The following YEATS2 variants were observed in gnomAD, a reference collection of about 807,000 sequenced individuals.
YEATS2 encodes YEATS domain-containing protein 2.
A neutral mutation model predicts 163.2 loss-of-function variants in YEATS2; 77 were observed. The observed-to-expected ratio is 0.47, with a 90% CI of 0.39 to 0.57. The LOEUF is 0.57. Ranked by LOEUF, YEATS2 falls within the 20% of genes least tolerant of loss-of-function variation. The pLI, the probability that YEATS2 is intolerant of heterozygous loss-of-function variation, is 0.00. For missense variants in YEATS2, 1,549 were observed against 1,729.8 expected (o/e 0.90, Z 1.85); for synonymous variants, 631 against 645.1 (o/e 0.98, Z 0.33).
At chr3:183,756,793 CCGT>C in intron 12 of YEATS2, 104 bp downstream of exon 12, 1 of 1,056,166 alleles carries the variant, frequency 9.5e-7, no homozygotes, top group Non-Finnish European at 1.3e-6. Flanking sequence ...ATGAAATCTC[CCGT>C]AAACGAGAAG....
intron 21 of YEATS2, chr3:183,793,019 A>T (rs953056640): frequency 1.9e-5 from 14 of 724,380 alleles, no homozygotes; most frequent in South Asian, 5.6e-5. Context: ...GTTTTTCTAT[A>T]ATCTGGTATA....
At chr3:183,773,941 T>C (rs1477641073) in intron 17 of YEATS2, 147 bp downstream of exon 17, 1 of 921,778 alleles carries the variant, frequency 1.1e-6, no homozygotes, top group Non-Finnish European at 1.5e-6. Context: ...CTCAGATGGA[T>C]TTAACACATA....
chr3:183,793,352 T>C, intron 21 of YEATS2: 1 of 1,096,832 alleles, frequency 9.1e-7, no homozygotes, highest in African/African-American at 1.6e-5. Flanking sequence ...ATTTTTCTCT[T>C]GATTTCTACC....
chr3:183,742,515 C>T (rs1170160718), intron 8 of YEATS2, among the ~76,000 whole-genome samples: 2 of 152,192 alleles, frequency 1.3e-5, no homozygotes, highest in African/African-American at 4.8e-5. Context: ...GAAGTAGAGC[C>T]TGACAGTGTG....
intron 19 of YEATS2, among the ~76,000 whole-genome samples, chr3:183,784,102 G>A (rs750855143): frequency 1.3e-5 from 2 of 152,132 alleles, no homozygotes; most frequent in Non-Finnish European, 2.9e-5. Context: ...CAGGGTCAAG[G>A]TTGCCCAGGC....
intron 25 of YEATS2, chr3:183,803,016 T>A (rs1725838605): frequency 3.7e-6 from 2 of 537,472 alleles, no homozygotes; most frequent in South Asian, 2.3e-5. Flanking sequence ...TGGCAGTGAT[T>A]ACCTTCTCTA....
intron 1 of YEATS2, among the ~76,000 whole-genome samples, chr3:183,713,616 A>C (rs553318050): frequency 6.6e-6 from 1 of 152,358 alleles, no homozygotes; most frequent in Admixed American, 6.5e-5. Flanking sequence ...TAAATTCTGT[A>C]CGTGGCTCAT....
At chr3:183,748,995 T>A (rs898756874) in intron 9 of YEATS2, among the ~76,000 whole-genome samples, 1 of 151,976 alleles carries the variant, frequency 6.6e-6, no homozygotes, top group South Asian at 2.1e-4. Flanking sequence ...CAGTCTGGAG[T>A]GCGGTGGCGT....
At chr3:183,778,125 A>AG (rs1417189949) in intron 19 of YEATS2, among the ~76,000 whole-genome samples, 4 of 148,614 alleles carry the variant, frequency 2.7e-5, no homozygotes, top group Non-Finnish European at 4.4e-5. Flanking sequence ...AAAAAAAAAA[A>AG]AAAGAAAAAA....
chr3:183,761,423 C>A, intron 13 of YEATS2, 84 bp from the exon 14 acceptor site: 1 of 1,243,790 alleles, frequency 8.0e-7, no homozygotes, highest in Non-Finnish European at 1.2e-6. Flanking sequence ...GAGAATGTCA[C>A]AGGTTTGTAT....
chr3:183,766,307 A>C (rs1189178213), intron 15 of YEATS2, among the ~76,000 whole-genome samples: 1 of 152,226 alleles, frequency 6.6e-6, no homozygotes, highest in Non-Finnish European at 1.5e-5. Flanking sequence ...AGTGCTCAGT[A>C]AATAGTAACT....
chr3:183,809,035 T>G (rs989233915), intron 29 of YEATS2, 62 bp from the exon 30 acceptor site: 24 of 1,563,688 alleles, frequency 1.5e-5, no homozygotes, highest in African/African-American at 4.1e-5. Flanking sequence ...TGGGGTTAAA[T>G]GTGTCCCTTC....
chr3:183,735,292 G>A (rs918653305), intron 7 of YEATS2, among the ~76,000 whole-genome samples: 8 of 152,268 alleles, frequency 5.3e-5, no homozygotes, highest in South Asian at 4.1e-4. Context: ...TCCATTAATT[G>A]ACTCAAGTCC....
chr3:183,766,939 T>C (rs996843137), intron 15 of YEATS2, among the ~76,000 whole-genome samples: 1 of 151,430 alleles, frequency 6.6e-6, no homozygotes, highest in Non-Finnish European at 1.5e-5. Flanking sequence ...CCTCCCAAAG[T>C]GTTGGGGTTA....
chr3:183,730,025 A>G (rs1317795673), intron 7 of YEATS2, among the ~76,000 whole-genome samples: 1 of 111,962 alleles, frequency 8.9e-6, no homozygotes, highest in African/African-American at 3.4e-5. Flanking sequence ...TTACACACAT[A>G]TATATTAATT....
intron 1 of YEATS2, among the ~76,000 whole-genome samples, chr3:183,710,632 CT>C (rs1347349963): frequency 6.6e-6 from 1 of 152,148 alleles, no homozygotes; most frequent in Non-Finnish European, 1.5e-5. Context: ...TGCCCACCCC[CT>C]CCCCAAATTC....
intron 4 of YEATS2, among the ~76,000 whole-genome samples, chr3:183,720,534 G>A (rs990079784): frequency 6.6e-6 from 1 of 152,048 alleles, no homozygotes; most frequent in Non-Finnish European, 1.5e-5. Flanking sequence ...TGTTACCCTT[G>A]GTGCTCTAGG....
Position 183,777,525 on chromosome 3 carries a change from A to T in YEATS2, c.2578-17A>T. The T allele has an allele frequency of 1.9e-6, 3 of 1,611,060 alleles. No individual in the cohort carries two copies. Among genetic ancestry groups the T allele is most frequent in the Non-Finnish European group, 2.5e-6 (3 of 1,178,952 alleles). On this transcript the variant is annotated splice_polypyrimidine_tract_variant and intron_variant, in intron 18 of 30. Transcript: ENST00000305135. ...AACAAATTACCGATTAGTTCTTTAT[A>T]TTTTTTTCTAACTTAGGGCACATTT...
intron 12 of YEATS2, 131 bp downstream of exon 12, chr3:183,756,820 A>C: frequency 1.2e-6 from 1 of 824,494 alleles, no homozygotes; most frequent in Non-Finnish European, 1.7e-6. Flanking sequence ...GAATAAGTAA[A>C]AGGAAAGCCA....
Sources: allele counts gnomAD v4.1 joint callset (sites outside exome capture counted in the v4.1 genomes callset), GRCh38; gene constraint gnomAD v4.1.1; transcripts MANE v1.5; gene names NCBI Gene and HGNC (gene_info 2026-07-23, HGNC 2026-07-21).